The following DCDC2 variants were observed in gnomAD, a reference collection of about 807,000 sequenced individuals.
DCDC2 encodes doublecortin domain containing 2, also known as doublecortin domain-containing protein 2.
A neutral mutation model predicts 50.2 loss-of-function variants in DCDC2; 40 were observed. The ratio of observed to expected loss-of-function variants is 0.80; its 90% CI spans 0.62 to 1.04. The LOEUF (loss-of-function observed/expected upper bound fraction) is 1.04. Ranked by LOEUF, DCDC2 falls within the 50% of genes least tolerant of loss-of-function variation. DCDC2 has a pLI of 0.00. For synonymous variants in DCDC2, 234 were observed against 210.6 expected (o/e 1.11, Z -0.96); for missense variants, 570 against 581.9 (o/e 0.98, Z 0.21).
intron 8 of DCDC2, among the ~76,000 whole-genome samples, chr6:24,178,911 C>G (rs1315591781): frequency 6.6e-6 from 1 of 152,122 alleles, no homozygotes; most frequent in Non-Finnish European, 1.5e-5. Flanking sequence ...CAAGATCCCA[C>G]AGAAAGAGCC....
intron 2 of DCDC2, among the ~76,000 whole-genome samples, chr6:24,329,325 T>C (rs1359426523): frequency 1.3e-5 from 2 of 152,212 alleles, no homozygotes; most frequent in East Asian, 3.8e-4. Flanking sequence ...ACAGACTTTA[T>C]CATTTGTTTG....
In DCDC2 at chr6:24,279,247, T is replaced by G. The variant is rs114606538; in HGVS notation, c.760-1036A>C. Among the ~76,000 whole-genome samples, 865 of 152,162 alleles carry G rather than the reference T, an allele frequency of 5.7e-3. 3 individuals are homozygous for G. Among genetic ancestry groups the G allele is most frequent in the South Asian group, 0.015 (74 of 4,810 alleles). On this transcript the variant is annotated intron_variant, in intron 6 of 9. Transcript: ENST00000378454. ...TGCCAGGCATGGTAGCTCCAGCCTG[T>G]AGTCCCAGCTACCTAGGAGGCAGAG...
In DCDC2 at chr6:24,194,610, C is replaced by A. The variant is rs972023982; in HGVS notation, c.1023+10392G>T. On this transcript the variant is annotated intron_variant, in intron 8 of 9. Transcript: ENST00000378454. ...TTGCCTGATCCTTTATTACTAGGGG[C>A]AGTTTACTTAATTAAAATGGAGCAG... Among the ~76,000 whole-genome samples, 4 of 152,098 alleles carry A rather than the reference C, an allele frequency of 2.6e-5. No individual in the cohort carries two copies. In the South Asian group the frequency reaches 8.3e-4, roughly 32 times the overall value.
the DCDC2 span, among the ~76,000 whole-genome samples, chr6:24,381,861 G>A: frequency 4.4e-5 from 1 of 22,602 alleles, no homozygotes; most frequent in Non-Finnish European, 1.2e-4. Context: ...GAAGGAAGGA[G>A]AAATAAAAGA....
chr6:24,281,974 C>A (rs1027235593), intron 6 of DCDC2, among the ~76,000 whole-genome samples: 2 of 152,150 alleles, frequency 1.3e-5, no homozygotes, highest in Non-Finnish European at 2.9e-5. Context: ...GCACTAAAAA[C>A]TCCTATTACA....
At chr6:24,281,487 GAAAAAAAAA>G (rs59842458) in intron 6 of DCDC2, among the ~76,000 whole-genome samples, 15 of 83,782 alleles carry the variant, frequency 1.8e-4, no homozygotes, top group Non-Finnish European at 2.3e-4. Context: ...ATGCTTTTAA[GAAAAAAAAA>G]AAAAAAAAAA....
intron 7 of DCDC2, among the ~76,000 whole-genome samples, chr6:24,273,009 TACACACACAC>T (rs60162257): frequency 3.9e-4 from 58 of 149,458 alleles, no homozygotes; most frequent in African/African-American, 1.4e-3. Context: ...TATAAAGACA[TACACACACAC>T]ACACACACAC....
At chr6:24,187,138 C>T (rs1013279508) in intron 8 of DCDC2, among the ~76,000 whole-genome samples, 1 of 152,166 alleles carries the variant, frequency 6.6e-6, no homozygotes, top group Non-Finnish European at 1.5e-5. Flanking sequence ...CCCTTCCCAA[C>T]ACCCTCACTC....
At chr6:24,206,439 T>C (rs1224679661) in intron 7 of DCDC2, among the ~76,000 whole-genome samples, 6 of 152,158 alleles carry the variant, frequency 3.9e-5, no homozygotes, top group African/African-American at 1.4e-4. Context: ...TGTTTGACAT[T>C]CATTTCTACC....
At chr6:24,332,042 G>C (rs1436694012) in intron 2 of DCDC2, among the ~76,000 whole-genome samples, 3 of 152,140 alleles carry the variant, frequency 2.0e-5, no homozygotes, top group African/African-American at 7.2e-5. Context: ...AATTCACAAA[G>C]TAACCATCAA....
chr6:24,206,747 T>C (rs1761724142), intron 7 of DCDC2, among the ~76,000 whole-genome samples: 2 of 152,030 alleles, frequency 1.3e-5, no homozygotes, highest in Admixed American at 1.3e-4. Flanking sequence ...TAAAATAAAA[T>C]TGAAAGGGCA....
At chr6:24,336,688 G>A (rs1327159498) in intron 2 of DCDC2, among the ~76,000 whole-genome samples, 1 of 151,868 alleles carries the variant, frequency 6.6e-6, no homozygotes, top group East Asian at 1.9e-4. Context: ...GCCTGATAAA[G>A]CAGCCAATAT....
chr6:24,197,449 G>A (rs533223801), intron 8 of DCDC2, among the ~76,000 whole-genome samples: 2 of 152,280 alleles, frequency 1.3e-5, no homozygotes, highest in East Asian at 1.9e-4. Flanking sequence ...CAGCTATCAG[G>A]TGTTGTATAT....
chr6:24,269,302 A>C (rs527480750), intron 7 of DCDC2, among the ~76,000 whole-genome samples: 55 of 152,352 alleles, frequency 3.6e-4, no homozygotes, highest in Middle Eastern at 3.4e-3. Flanking sequence ...ATAAGGACAA[A>C]ATTAATACAG....
At chr6:24,261,157 A>G (rs769403271) in intron 7 of DCDC2, among the ~76,000 whole-genome samples, 6 of 150,570 alleles carry the variant, frequency 4.0e-5, no homozygotes, top group Admixed American at 1.3e-4. Context: ...CTCAGCTAAC[A>G]TCTTCTCCAT....
upstream of DCDC2, among the ~76,000 whole-genome samples, chr6:24,360,192 A>T (rs1217142878): frequency 6.6e-6 from 1 of 152,244 alleles, no homozygotes; most frequent in Non-Finnish European, 1.5e-5. Context: ...CGAGTCAGTG[A>T]ACCAGGCCTG....
At chr6:24,226,577 T>C (rs923002478) in intron 7 of DCDC2, among the ~76,000 whole-genome samples, 1 of 152,212 alleles carries the variant, frequency 6.6e-6, no homozygotes, top group Non-Finnish European at 1.5e-5. Flanking sequence ...TGTGATCCTA[T>C]CTGTGTTTCA....
the DCDC2 span, among the ~76,000 whole-genome samples, chr6:24,377,049 G>A: frequency 6.6e-6 from 1 of 152,158 alleles, no homozygotes; most frequent in Admixed American, 6.5e-5. Context: ...CTAGCCATCT[G>A]GAGGATTCTC....
intron 4 of DCDC2, among the ~76,000 whole-genome samples, chr6:24,293,258 A>T (rs1763789289): frequency 6.6e-6 from 1 of 152,220 alleles, no homozygotes; most frequent in African/African-American, 2.4e-5. Context: ...TCATGATTTT[A>T]GCCTTCTTTT....
Sources: gnomAD v4.1 joint callset for allele counts (sites outside exome capture counted in the v4.1 genomes callset) on GRCh38, gnomAD v4.1.1 for gene constraint, MANE v1.5 for transcripts, NCBI Gene and HGNC (gene_info 2026-07-23, HGNC 2026-07-21) for gene names.